Variants in NEDD9 observed in about 807,000 individuals in gnomAD.
The protein encoded by NEDD9 is enhancer of filamentation 1.
A neutral mutation model predicts 76.6 loss-of-function variants in NEDD9; 26 were observed. The observed-to-expected ratio is 0.34, with a 90% CI of 0.25 to 0.47. NEDD9 has a LOEUF of 0.47. NEDD9 is among the 20% of genes least tolerant of loss of function. The pLI is 1.00. For synonymous variants in NEDD9, 392 were observed against 414.2 expected, an observed-to-expected ratio of 0.95 and a Z score of 0.65; for missense variants, 937 against 1,058.5, an observed-to-expected ratio of 0.89 and a Z score of 1.59.
chr6:11,187,348 G>C (rs1286917806), intron 6 of NEDD9, among the ~76,000 whole-genome samples: 1 of 152,136 alleles, frequency 6.6e-6, no homozygotes, highest in African/African-American at 2.4e-5. Flanking sequence ...CCTTGTTCTA[G>C]CAATAGTCGT....
At chr6:11,245,270 C>T (rs1302279223) in intron 3 of NEDD9, among the ~76,000 whole-genome samples, 1 of 152,164 alleles carries the variant, frequency 6.6e-6, no homozygotes, top group East Asian at 1.9e-4. Context: ...TGGTTTGAAG[C>T]ATGGTGACCC....
intron 1 of NEDD9, among the ~76,000 whole-genome samples, chr6:11,374,186 G>C (rs1288478584): frequency 6.6e-6 from 1 of 151,946 alleles, no homozygotes; most frequent in African/African-American, 2.4e-5. Flanking sequence ...TATGTCATTT[G>C]CCAGGGATCA....
intron 1 of NEDD9, among the ~76,000 whole-genome samples, chr6:11,374,400 T>A (rs1762937929): frequency 6.6e-6 from 1 of 152,178 alleles, no homozygotes; most frequent in Non-Finnish European, 1.5e-5. Context: ...CATGTCCTGA[T>A]AGTGTGACAG....
intron 2 of NEDD9, among the ~76,000 whole-genome samples, chr6:11,211,983 T>C (rs1365860594): frequency 6.6e-6 from 1 of 152,214 alleles, no homozygotes; most frequent in Non-Finnish European, 1.5e-5. Context: ...AGGCTGCCTC[T>C]TTCCATGTAC....
At chr6:11,269,139 T>C (rs956104741) in intron 3 of NEDD9, among the ~76,000 whole-genome samples, 4 of 152,224 alleles carry the variant, frequency 2.6e-5, no homozygotes, top group Admixed American at 6.5e-5. Context: ...GTGATGGCAG[T>C]GCAAGGTAAA....
chr6:11,194,345 G>T (rs1219370662), intron 2 of NEDD9, among the ~76,000 whole-genome samples: 2 of 152,204 alleles, frequency 1.3e-5, no homozygotes, highest in Non-Finnish European at 2.9e-5. Context: ...GGAGCATTTT[G>T]CATCTAAAGT....
At position 11,310,439 on chromosome 6, in the gene NEDD9, A is replaced by G. The variant is rs118101610; in HGVS notation, c.-152-4284T>C. ...CCAAAGCCCAGCTTTGGATGAACTC[A>G]ACTGTTTACTTACTCTGCATCAATC... On this transcript the variant is annotated intron_variant, in intron 2 of 3. Coordinates refer to the NEDD9 transcript ENST00000397378. Among the ~76,000 whole-genome samples the G allele has an allele frequency of 4.0e-3, 614 of 152,118 alleles. 6 individuals are homozygous for G. The East Asian group carries it at 0.052, about 13-fold the overall frequency.
At chr6:11,312,136 A>G (rs116528063) in intron 2 of NEDD9, among the ~76,000 whole-genome samples, 11,907 of 151,924 alleles carry the variant, frequency 0.078, 600 homozygotes, top group Admixed American at 0.16. Flanking sequence ...CTCCAGCCCA[A>G]GCATTCTCTC....
At chr6:11,366,342 A>C (rs1448762524) in intron 1 of NEDD9, among the ~76,000 whole-genome samples, 223 of 151,886 alleles carry the variant, frequency 1.5e-3, no homozygotes, top group African/African-American at 5.1e-3. Context: ...GACAGAGAGA[A>C]AGAAAGAAAG....
At chr6:11,358,320 C>T (rs1474523245) in intron 1 of NEDD9, among the ~76,000 whole-genome samples, 4 of 142,874 alleles carry the variant, frequency 2.8e-5, no homozygotes, top group African/African-American at 1.0e-4. Flanking sequence ...GTAGGAATAA[C>T]ACCTTTTCCC....
chr6:11,364,891 C>T (rs1049577278), intron 1 of NEDD9, among the ~76,000 whole-genome samples: 1 of 152,006 alleles, frequency 6.6e-6, no homozygotes, highest in African/African-American at 2.4e-5. Flanking sequence ...GGTACAGTTC[C>T]TTTATAAGCC....
At chr6:11,232,375 G>A (rs1364811627) in intron 1 of NEDD9, 129 bp downstream of exon 1, 4 of 1,167,372 alleles carry the variant, frequency 3.4e-6, no homozygotes, top group Admixed American at 1.9e-5. Flanking sequence ...CAACCTCAGT[G>A]ACCGAGACTC....
intron 1 of NEDD9, among the ~76,000 whole-genome samples, chr6:11,223,272 GT>G (rs1759198237): frequency 6.6e-6 from 1 of 152,072 alleles, no homozygotes; most frequent in Non-Finnish European, 1.5e-5. Flanking sequence ...TTGTGCCTCT[GT>G]TTCCCTGTCT....
chr6:11,351,132 A>C (rs1762460743), intron 1 of NEDD9, among the ~76,000 whole-genome samples: 1 of 152,184 alleles, frequency 6.6e-6, no homozygotes, highest in Non-Finnish European at 1.5e-5. Flanking sequence ...GAGATGTTCC[A>C]GGAAGAGTTT....
chr6:11,199,765 A>T (rs2113734294), intron 2 of NEDD9: 1 of 141,574 alleles, frequency 7.1e-6, no homozygotes, highest in East Asian at 2.2e-4. Context: ...AGTTCACGCC[A>T]TTCTCCTGCC....
intron 2 of NEDD9, among the ~76,000 whole-genome samples, chr6:11,202,056 G>A (rs1156950476): frequency 6.6e-6 from 1 of 152,168 alleles, no homozygotes; most frequent in East Asian, 1.9e-4. Context: ...GGTAATTGAT[G>A]AGAAGTTAAA....
intron 1 of NEDD9, among the ~76,000 whole-genome samples, chr6:11,343,144 CTT>C (rs1243847084): frequency 2.0e-5 from 3 of 151,944 alleles, no homozygotes; most frequent in Non-Finnish European, 4.4e-5. Flanking sequence ...AAAAAGGTAA[CTT>C]CGGCCCAGTG....
At position 11,213,811 on chromosome 6, in the gene NEDD9, G is replaced by T. The variant is rs1758863560; in HGVS notation, c.13-84C>A. On this transcript the variant is annotated intron_variant, in intron 1 of 6. Transcript: ENST00000379446. The surrounding 1 kb of genome is among the most constrained non-coding windows in gnomAD (Gnocchi z 5.4). ...CCTAAGGCCCGTGCTCTTATGGAAA[G>T]GCACACTTCCTGGAAAGAGAGAAGC... The T allele has an allele frequency of 3.3e-6, 4 of 1,195,614 alleles. No individual in the cohort carries two copies. The highest frequency in any genetic ancestry group is 3.6e-6 in the Non-Finnish European group (3 of 838,678). 74.1% of individuals were successfully genotyped at this position (1,195,614 alleles called of 1,614,324 possible). A position where few individuals can be genotyped will look rare whatever the true frequency, so the allele number is the denominator to read the frequency against.
intron 1 of NEDD9, among the ~76,000 whole-genome samples, chr6:11,342,333 C>T (rs548658006): frequency 2.6e-4 from 39 of 152,116 alleles, no homozygotes; most frequent in African/African-American, 7.2e-4. Context: ...TAAAAATCCA[C>T]GAAGCCCAAG....
Sources: allele counts gnomAD v4.1 joint callset (sites outside exome capture counted in the v4.1 genomes callset), GRCh38; gene constraint gnomAD v4.1.1; non-coding constraint Gnocchi (gnomAD v3.1); transcripts MANE v1.5; gene names NCBI Gene and HGNC (gene_info 2026-07-23, HGNC 2026-07-21).